NOL9: variants seen among roughly 807,000 people sequenced by gnomAD.
NOL9 encodes the protein polynucleotide 5'-hydroxyl-kinase NOL9.
In NOL9, 28 loss-of-function variants were observed where a neutral mutation model predicts 67.9. The observed-to-expected ratio is 0.41, with a 90% CI of 0.31 to 0.57. NOL9 has a LOEUF of 0.57. NOL9 is among the 20% of genes least tolerant of loss of function. The pLI is 0.25. For missense variants in NOL9, 777 were observed against 897.0 expected (o/e 0.87, Z 1.71); for synonymous variants, 356 against 352.2 (o/e 1.01, Z -0.12).
chr1:6,533,186 A>G, intron 7 of NOL9, 94 bp downstream of exon 7: 7 of 1,375,260 alleles, frequency 5.1e-6, no homozygotes, highest in Non-Finnish European at 6.9e-6. Flanking sequence ...ATTAAAAACA[A>G]AAAACAAAAC....
At position 6,525,779 on chromosome 1, in the gene NOL9, T is replaced by C; in HGVS notation, c.*75A>G. 1.3e-6 allele frequency: 2 copies of C among 1,502,508 alleles called. No homozygotes were observed. Among genetic ancestry groups the C allele is most frequent in the African/African-American group, 1.4e-5 (1 of 72,026 alleles). 93.1% of individuals were successfully genotyped at this position (1,502,508 alleles called of 1,614,324 possible). ...CACCATTCATGGCCATGAAACTCCA[T>C]CATGTCTCTTGTGGTCAGGCTTGAG... On this transcript the variant is annotated 3_prime_UTR_variant, in exon 12 of 12. Coordinates refer to ENST00000377705, the MANE Select transcript of NOL9 (RefSeq NM_024654.5).
chr1:6,548,516 C>T (rs1156834028), intron 3 of NOL9: 11 of 272,664 alleles, frequency 4.0e-5, no homozygotes, highest in East Asian at 1.8e-4. Context: ...TGGTTCCATG[C>T]GTGCTAAACG....
At chr1:6,527,995 C>T (rs1638930406) in intron 10 of NOL9, among the ~76,000 whole-genome samples, 1 of 152,136 alleles carries the variant, frequency 6.6e-6, no homozygotes, top group Non-Finnish European at 1.5e-5. Flanking sequence ...GGAAAATCCA[C>T]CACTAAGGAA....
Position 6,554,201 on chromosome 1 carries a change from A to AGTTCGG in NOL9, c.296_301dup (p.Pro99_Glu100dup). On this transcript the variant is annotated inframe_insertion, in exon 1 of 12. Coordinates refer to ENST00000377705, the MANE Select transcript of NOL9 (RefSeq NM_024654.5). The stretch of plus-strand genomic sequence containing the variant: ...CCGGTGGCAACTCGAGGCGGATTCG[A>AGTTCGG]GTTCGGGTTCGGACTCGGGTTCGGA... 1 of 1,522,002 alleles carries AGTTCGG rather than the reference A, an allele frequency of 6.6e-7. No individual in the cohort carries two copies. The highest frequency in any genetic ancestry group is 8.8e-7 in the Non-Finnish European group (1 of 1,134,094). The allele number at this position is 1,522,002 out of a possible 1,614,324, so 94.3% of individuals were successfully genotyped here. A position where few individuals can be genotyped will look rare whatever the true frequency, so the allele number is the denominator to read the frequency against.
intron 6 of NOL9, among the ~76,000 whole-genome samples, chr1:6,536,219 A>G (rs1349816765): frequency 6.7e-6 from 1 of 148,836 alleles, no homozygotes; most frequent in Non-Finnish European, 1.5e-5. Flanking sequence ...GGTGGCAGGC[A>G]CCTGTGGTCC....
At chr1:6,545,369 T>C (rs935680522) in intron 3 of NOL9, among the ~76,000 whole-genome samples, 189 bp from the exon 4 acceptor site, 1 of 152,204 alleles carries the variant, frequency 6.6e-6, no homozygotes, top group African/African-American at 2.4e-5. Context: ...ACGTCTATTT[T>C]CAGTTTCTGC....
intron 11 of NOL9, among the ~76,000 whole-genome samples, chr1:6,526,484 C>T (rs574346803): frequency 2.0e-5 from 3 of 152,124 alleles, no homozygotes; most frequent in Non-Finnish European, 2.9e-5. Flanking sequence ...TTGCAGTGAG[C>T]CCAGATCGCG....
intron 6 of NOL9, among the ~76,000 whole-genome samples, chr1:6,535,493 G>A (rs1163756614): frequency 2.6e-5 from 4 of 152,228 alleles, no homozygotes; most frequent in Non-Finnish European, 5.9e-5. Flanking sequence ...GACCTAGGAC[G>A]TAAGAGGAGC....
intron 6 of NOL9, among the ~76,000 whole-genome samples, chr1:6,538,314 T>A (rs1219862257): frequency 6.6e-6 from 1 of 152,096 alleles, no homozygotes; most frequent in African/African-American, 2.4e-5. Flanking sequence ...AGGATTAATA[T>A]AAAGAACTAC....
chr1:6,544,462 G>C (rs1175743761), intron 5 of NOL9, among the ~76,000 whole-genome samples: 2 of 151,880 alleles, frequency 1.3e-5, no homozygotes. Flanking sequence ...TCAAGACTAT[G>C]AGGTATGACT....
chr1:6,550,385 C>A lies in NOL9; in HGVS notation c.616+11G>T, dbSNP rs764148754. The A allele has an allele frequency of 5.0e-6, 8 of 1,610,350 alleles. No homozygotes were observed. In the South Asian group the frequency reaches 5.5e-5, roughly 11 times the overall value. On this transcript the variant is annotated intron_variant, in intron 2 of 11. Transcript: ENST00000377705. ...TAGGCCCTCAGTAAATTACCCAGTT[C>A]TTTTCATTACCAAGGTTAAGATGAG...
rs1175647652 is a variant in NOL9, at chr1:6,521,805, G to A, written c.*4049C>T. ...TCATCAGAGGCTAGCTACACACTAG[G>A]AGTTACTGACCGTTTCTACATGCCG... On this transcript the variant is annotated 3_prime_UTR_variant, in exon 12 of 12. Transcript: ENST00000377705. 1 of 152,226 alleles carries A rather than the reference G, an allele frequency of 6.6e-6. No homozygotes were observed. The highest frequency in any genetic ancestry group is 1.9e-4 in the East Asian group (1 of 5,192). The allele number at this position is 152,226 out of a possible 1,614,324, so 9.4% of individuals were successfully genotyped here.
rs563952072 is a variant in NOL9 at position 6,540,272 on chromosome 1, G to A, written c.1075+1558C>T. 5.3e-5 allele frequency among the ~76,000 whole-genome samples: 8 copies of A among 151,874 alleles called. No homozygotes were observed. In the East Asian group the frequency reaches 7.8e-4, roughly 15 times the overall value. ...CAAGTAGCTGGGACTACAGGCGCCC[G>A]CCACTACGCCTGGCTAATTTTTTGT... On this transcript the variant is annotated intron_variant, in intron 6 of 11. Transcript: ENST00000377705.
Position 6,532,571 on chromosome 1 carries a change from T to C in NOL9, c.1427A>G (p.Asp476Gly). 2.5e-6 allele frequency: 4 copies of C among 1,614,250 alleles called. No individual in the cohort carries two copies. Among genetic ancestry groups the C allele is most frequent in the Non-Finnish European group, 3.4e-6 (4 of 1,180,050 alleles). ...TTCTTCATCAGCAAATTCCAAAGCA[T>C]CTGCAAATGCTGCGAGTCTGAAACG... ...NRRFRLAAFA[D>G]ALEFADEEKE... Residue 476 changes from aspartate to glycine, a missense_variant, in exon 8 of 12, where the codon GAT (aspartate) becomes GGT (glycine). By Grantham distance (94) the Asp-to-Gly change is moderately conservative. Coordinates refer to ENST00000377705, the MANE Select transcript of NOL9 (RefSeq NM_024654.5).
chr1:6,534,177 A>T (rs1020808237), intron 6 of NOL9, among the ~76,000 whole-genome samples: 1 of 152,122 alleles, frequency 6.6e-6, no homozygotes, highest in African/African-American at 2.4e-5. Context: ...GTGAGCCACC[A>T]TGCCCAGCCA....
chr1:6,532,362 C>T (rs1639048211), intron 8 of NOL9, 101 bp downstream of exon 8: 1 of 1,109,510 alleles, frequency 9.0e-7, no homozygotes, highest in Non-Finnish European at 1.3e-6. Context: ...TGACAGGGAC[C>T]TGAAGATCTT....
In NOL9 at chr1:6,521,638, AG is replaced by A. The variant is rs1241072722; in HGVS notation, c.*4215del. 3 of 152,250 alleles carry A rather than the reference AG, an allele frequency of 2.0e-5. No homozygotes were observed. The highest frequency in any genetic ancestry group is 6.5e-5 in the Admixed American group (1 of 15,278). 9.4% of individuals were successfully genotyped at this position (152,250 alleles called of 1,614,324 possible). ...GCTTCCTCAAGGGCTCTTTGACCACAGGAAGCTTGGTAGCAACAATTTTAAG... is the reference window on the plus strand; with the variant it reads ...GCTTCCTCAAGGGCTCTTTGACCACAGAAGCTTGGTAGCAACAATTTTAAG... On this transcript the variant is annotated 3_prime_UTR_variant, in exon 12 of 12. Transcript: ENST00000377705.
At chr1:6,553,828 T>A (rs4908922) in intron 1 of NOL9, among the ~76,000 whole-genome samples, 116,580 of 151,806 alleles carry the variant, frequency 0.77, 46,636 homozygotes, top group Non-Finnish European at 0.87. Context: ...GGGGACAGAG[T>A]GAGACTCTGT....
chr1:6,550,247 G>A (rs1020885724), intron 2 of NOL9, 149 bp downstream of exon 2: 1 of 629,026 alleles, frequency 1.6e-6, no homozygotes, highest in South Asian at 1.8e-5. Flanking sequence ...TAGCCAGGAT[G>A]GTCTCGATCT....
Sources: allele counts gnomAD v4.1 joint callset (sites outside exome capture counted in the v4.1 genomes callset), GRCh38; gene constraint gnomAD v4.1.1; transcripts MANE v1.5; gene names NCBI Gene and HGNC (gene_info 2026-07-23, HGNC 2026-07-21).